The following CARS1 variants were observed in gnomAD, a reference collection of about 807,000 sequenced individuals.
CARS1 encodes cysteine--tRNA ligase, cytoplasmic.
In CARS1, 48 loss-of-function variants were observed where a neutral mutation model predicts 106.2. The ratio of observed to expected loss-of-function variants is 0.45; its 90% CI spans 0.36 to 0.57. CARS1 has a LOEUF of 0.57. Ranked by LOEUF, CARS1 falls within the 20% of genes least tolerant of loss-of-function variation. The pLI, the probability that CARS1 is intolerant of heterozygous loss-of-function variation, is 0.00. For missense variants in CARS1, 968 were observed against 1,057.2 expected (o/e 0.92, Z 1.17); for synonymous variants, 409 against 403.4 (o/e 1.01, Z -0.17).
In CARS1 at chr11:3,044,399, A is replaced by G. The variant is rs1242897060; in HGVS notation, c.275-2143T>C. Among the ~76,000 whole-genome samples, 2 of 151,588 alleles carry G rather than the reference A, an allele frequency of 1.3e-5. No homozygotes were observed. The highest frequency in any genetic ancestry group is 4.9e-5 in the African/African-American group (2 of 41,026). Reference sequence around the variant, plus strand: ...AAAGGGAAGAACTGAGAGATATCACATAAGGACCCTTGCCCCCCTTTTTTT... The same window carrying G: ...AAAGGGAAGAACTGAGAGATATCACGTAAGGACCCTTGCCCCCCTTTTTTT... On this transcript the variant is annotated intron_variant, in intron 2 of 22. Transcript: ENST00000380525. This position sits in a 1 kb window ranked among gnomAD's most constrained non-coding sequence, Gnocchi z 4.4.
rs768292964 is a variant in CARS1 at position 3,001,100 on chromosome 11, A to G, written c.*14T>C. The G allele has an allele frequency of 6.2e-7, 1 of 1,613,664 alleles. No homozygotes were observed. Among genetic ancestry groups the G allele is most frequent in the South Asian group, 1.1e-5 (1 of 91,088 alleles). On this transcript the variant is annotated 3_prime_UTR_variant, in exon 23 of 23. Transcript: ENST00000380525. ...CTAGTCCACAATGGTTTAAAAAGTC[A>G]GTCCTGTGCCCCCTCACTGGAAGCT...
In CARS1 at chr11:3,035,911, CCT is replaced by C. The variant is rs552121029; in HGVS notation, c.801+2137_801+2138del. Among the ~76,000 whole-genome samples, 380 of 152,334 alleles carry C rather than the reference CCT, an allele frequency of 2.5e-3. 3 individuals carry two copies. Among genetic ancestry groups the C allele is most frequent in the Middle Eastern group, 3.4e-3 (1 of 294 alleles). On this transcript the variant is annotated intron_variant, in intron 7 of 22. Coordinates refer to ENST00000380525, the MANE Select transcript of CARS1 (RefSeq NM_001014437.3). ...CTGGCATCCAGGAGCTGAAATGTCC[CCT>C]GTGCTAAGAGGCCGGGAAACCCAGC...
In CARS1 at chr11:3,041,637, C is replaced by T. The variant is rs1854467466; in HGVS notation, c.366+528G>A. 6.6e-6 allele frequency among the ~76,000 whole-genome samples: 1 copy of T among 152,082 alleles called. No individual in the cohort carries two copies. The highest frequency in any genetic ancestry group is 1.5e-5 in the Non-Finnish European group (1 of 68,022). ...CTCCCTGATGGAAATCCAAGCAGCCCCGCCCAGAGCCTGGTCTGAAATCAC... is the reference window on the plus strand; with the variant it reads ...CTCCCTGATGGAAATCCAAGCAGCCTCGCCCAGAGCCTGGTCTGAAATCAC... On this transcript the variant is annotated intron_variant, in intron 3 of 22. Coordinates refer to ENST00000380525, the MANE Select transcript of CARS1 (RefSeq NM_001014437.3). This position sits in a 1 kb window ranked among gnomAD's most constrained non-coding sequence, Gnocchi z 4.9.
In CARS1 at chr11:3,021,965, C is replaced by T. The variant is rs1047738771; in HGVS notation, c.1154-1633G>A. Among the ~76,000 whole-genome samples, 2 of 152,118 alleles carry T rather than the reference C, an allele frequency of 1.3e-5. No individual in the cohort carries two copies. Among genetic ancestry groups the T allele is most frequent in the Admixed American group, 6.6e-5 (1 of 15,264 alleles). On this transcript the variant is annotated intron_variant, in intron 10 of 22. Coordinates refer to ENST00000380525, the MANE Select transcript of CARS1 (RefSeq NM_001014437.3). This position sits in a 1 kb window ranked among gnomAD's most constrained non-coding sequence, Gnocchi z 5.3. The stretch of plus-strand genomic sequence containing the variant: ...GTTTATATCTGATTTTTTAAAAATA[C>T]GCTTTGAAAAAATTGATAACAGAGA...
At position 3,039,458 on chromosome 11, in the gene CARS1, C is replaced by G. The variant is rs71476702; in HGVS notation, c.553-166G>C. On this transcript the variant is annotated intron_variant, in intron 5 of 22. Coordinates refer to ENST00000380525, the MANE Select transcript of CARS1 (RefSeq NM_001014437.3). This position sits in a 1 kb window ranked among gnomAD's most constrained non-coding sequence, Gnocchi z 5.6. ...CATCATCAAATAGAAACACCACCCT[C>G]CATCTCCCACCTGCCAAGTAGTGCC... Among the ~76,000 whole-genome samples the G allele has an allele frequency of 2.0e-5, 3 of 152,164 alleles. No individual in the cohort carries two copies. Among genetic ancestry groups the G allele is most frequent in the Non-Finnish European group, 4.4e-5 (3 of 68,036 alleles).
rs112911130 is a variant in CARS1 at position 3,045,288 on chromosome 11, G to A, written c.274+2465C>T. Among the ~76,000 whole-genome samples, 7 of 152,058 alleles carry A rather than the reference G, an allele frequency of 4.6e-5. No individual in the cohort carries two copies. Among genetic ancestry groups the A allele is most frequent in the Non-Finnish European group, 1.0e-4 (7 of 68,022 alleles). ...TATCTCCAACCCCCCACCCCGAGAC[G>A]GAGTCTCGCTCTGTCACCTAGGCTG... On this transcript the variant is annotated intron_variant, in intron 2 of 22. Transcript: ENST00000380525. The surrounding 1 kb of genome is among the most constrained non-coding windows in gnomAD (Gnocchi z 5.6).
Position 3,040,883 on chromosome 11 carries a change from G to C in CARS1, c.455+13C>G, listed in dbSNP as rs749371801. On this transcript the variant is annotated intron_variant, in intron 4 of 22. Transcript: ENST00000380525. This position sits in a 1 kb window ranked among gnomAD's most constrained non-coding sequence, Gnocchi z 5.8. ...ACTGCAGAAGCTGCAGGGACACCCC[G>C]CGGTGGACCTACCTGGCGTGCCCCA... is the stretch of plus-strand genomic sequence containing the variant. 1 of 1,612,986 alleles carries C rather than the reference G, an allele frequency of 6.2e-7. No homozygotes were observed. Among genetic ancestry groups the C allele is most frequent in the Non-Finnish European group, 8.5e-7 (1 of 1,179,424 alleles).
intron 16 of CARS1, among the ~76,000 whole-genome samples, chr11:3,016,415 G>A (rs973010913): frequency 3.3e-5 from 5 of 151,786 alleles, no homozygotes; most frequent in Admixed American, 2.0e-4. Context: ...AGTAGAGACG[G>A]GGTTTCACCG....
intron 17 of CARS1, among the ~76,000 whole-genome samples, chr11:3,015,138 A>AAGCCAGC (rs1418485471): frequency 1.3e-5 from 2 of 152,216 alleles, no homozygotes; most frequent in African/African-American, 2.4e-5. Flanking sequence ...CTGCAAACAG[A>AAGCCAGC]AGCCAGCAAC....
chr11:3,023,135 G>A (rs1465580507), intron 10 of CARS1, among the ~76,000 whole-genome samples: 1 of 152,078 alleles, frequency 6.6e-6, no homozygotes, highest in Non-Finnish European at 1.5e-5. Flanking sequence ...CCCTAGATGG[G>A]GCCAGATAGC....
At chr11:3,031,315 C>A (rs772088900) in intron 7 of CARS1, 28 of 152,050 alleles carry the variant, frequency 1.8e-4, no homozygotes, top group Non-Finnish European at 4.0e-4. Flanking sequence ...CAACAGCCAA[C>A]AATGGAAGCC....
Position 3,042,352 on chromosome 11 carries a change from A to G in CARS1, c.275-96T>C, listed in dbSNP as rs530923398. 89 of 763,000 alleles carry G rather than the reference A, an allele frequency of 1.2e-4. No homozygotes were observed. The Admixed American group carries it at 1.4e-3, about 12-fold the overall frequency. 47.3% of individuals were successfully genotyped at this position (763,000 alleles called of 1,614,324 possible). On this transcript the variant is annotated intron_variant, in intron 2 of 22. Transcript: ENST00000380525. ...GAGACTTGGTTTTTACAACGGGACC[A>G]TAGTTTTCCATGAAATTTAAACAAT...
intron 10 of CARS1, among the ~76,000 whole-genome samples, chr11:3,024,982 T>C (rs1851909775): frequency 6.6e-6 from 1 of 152,210 alleles, no homozygotes; most frequent in Non-Finnish European, 1.5e-5. Context: ...TATTAATTCT[T>C]GGCCTACTTG....
Position 3,001,262 on chromosome 11 carries a change from G to A in CARS1, c.2362-14C>T. The A allele has an allele frequency of 1.2e-6, 2 of 1,612,456 alleles. No homozygotes were observed. The highest frequency in any genetic ancestry group is 2.2e-5 in the East Asian group (1 of 44,852). On this transcript the variant is annotated splice_polypyrimidine_tract_variant and intron_variant, in intron 22 of 22. Transcript: ENST00000380525. ...TGTGGGCAGACCCTGAAAACCCAGA[G>A]CACAGCGGCTATTGGTCTCCTCTGC...
rs1854839274 is a variant in CARS1 at position 3,044,210 on chromosome 11, G to C, written c.275-1954C>G. 6.6e-6 allele frequency among the ~76,000 whole-genome samples: 1 copy of C among 152,162 alleles called. No homozygotes were observed. Among genetic ancestry groups the C allele is most frequent in the South Asian group, 2.1e-4 (1 of 4,828 alleles). On this transcript the variant is annotated intron_variant, in intron 2 of 22. Coordinates refer to ENST00000380525, the MANE Select transcript of CARS1 (RefSeq NM_001014437.3). The surrounding 1 kb of genome is among the most constrained non-coding windows in gnomAD (Gnocchi z 4.4). ...GCCACGGGATCATCACACTCACCCTGCTATGAGGAAACGGCCCAGGGTTCA... is the reference window on the plus strand; with the variant it reads ...GCCACGGGATCATCACACTCACCCTCCTATGAGGAAACGGCCCAGGGTTCA...
At position 3,029,426 on chromosome 11, in the gene CARS1, G is replaced by A. The variant is rs1306137946; in HGVS notation, c.819C>T (p.Ala273=). ...CCAGCCAGTCAGAGAGCAAATCCTT[G>A]GCTTCTTCCAGCAACACCTGAAGAG... The part of the protein sequence containing the change: ...NSCVEVLLEE[A]KDLLSDWLDS... Residue 273 remains alanine (A), a synonymous_variant, in exon 8 of 23, where the codon GCC becomes GCT. Coordinates refer to ENST00000380525, the MANE Select transcript of CARS1 (RefSeq NM_001014437.3). This position sits in a 1 kb window ranked among gnomAD's most constrained non-coding sequence, Gnocchi z 5.9. The A allele has an allele frequency of 1.2e-6, 2 of 1,613,884 alleles. No homozygotes were observed. Among genetic ancestry groups the A allele is most frequent in the African/African-American group, 2.7e-5 (2 of 75,004 alleles).
At chr11:3,025,712 C>T (rs1414868806) in intron 10 of CARS1, among the ~76,000 whole-genome samples, 1 of 152,190 alleles carries the variant, frequency 6.6e-6, no homozygotes, top group Non-Finnish European at 1.5e-5. Context: ...GTGGATGTGT[C>T]CCCAGATTCA....
Position 3,022,015 on chromosome 11 carries a change from C to G in CARS1, c.1154-1683G>C, listed in dbSNP as rs1001406151. On this transcript the variant is annotated intron_variant, in intron 10 of 22. Coordinates refer to ENST00000380525, the MANE Select transcript of CARS1 (RefSeq NM_001014437.3). The surrounding 1 kb of genome is among the most constrained non-coding windows in gnomAD (Gnocchi z 4.9). Reference sequence around the variant, plus strand: ...AACACAGGACCCTCCCCACAAACACCCTATCCTTCAGCAAACATCACACTG... The same window carrying G: ...AACACAGGACCCTCCCCACAAACACGCTATCCTTCAGCAAACATCACACTG... 2.6e-5 allele frequency among the ~76,000 whole-genome samples: 4 copies of G among 152,112 alleles called. No individual in the cohort carries two copies. Among genetic ancestry groups the G allele is most frequent in the African/African-American group, 9.7e-5 (4 of 41,412 alleles).
chr11:3,049,086 CTTT>C (rs1251063481), intron 1 of CARS1, among the ~76,000 whole-genome samples: 1 of 148,614 alleles, frequency 6.7e-6, no homozygotes, highest in Non-Finnish European at 1.5e-5. Context: ...TCCATTCTCC[CTTT>C]TTTATTTTTA....
Sources: gnomAD v4.1 joint callset for allele counts (sites outside exome capture counted in the v4.1 genomes callset) on GRCh38, gnomAD v4.1.1 for gene constraint, Gnocchi (gnomAD v3.1) non-coding constraint, MANE v1.5 for transcripts, NCBI Gene and HGNC (gene_info 2026-07-23, HGNC 2026-07-21) for gene names.